The following CTNNAL1 variants were observed in gnomAD, a reference collection of about 807,000 sequenced individuals.
CTNNAL1 encodes the protein alpha-catulin.
Under a neutral mutation model 93.6 loss-of-function variants are expected in CTNNAL1, and 69 were observed. The ratio of observed to expected loss-of-function variants is 0.74; its 90% CI spans 0.61 to 0.90. The LOEUF (loss-of-function observed/expected upper bound fraction) is 0.90, where lower values mean the gene tolerates loss of function less well. Ranked by LOEUF, CTNNAL1 falls within the 40% of genes least tolerant of loss-of-function variation. The probability of loss-of-function intolerance (pLI) is 0.00; values close to 1 mark genes in which losing one functional copy is unlikely to be tolerated. For missense variants in CTNNAL1, 836 were observed against 862.0 expected (o/e 0.97, Z 0.38); for synonymous variants, 286 against 305.4 (o/e 0.94, Z 0.66).
At chr9:109,013,092 A>C (rs1346440885) in intron 1 of CTNNAL1, among the ~76,000 whole-genome samples, 1 of 152,088 alleles carries the variant, frequency 6.6e-6, no homozygotes, top group African/African-American at 2.4e-5. Flanking sequence ...AGTCCACTCA[A>C]CCCTGCCGCC....
intron 12 of CTNNAL1, among the ~76,000 whole-genome samples, chr9:108,952,736 G>T (rs970949454): frequency 7.2e-5 from 11 of 152,142 alleles, no homozygotes; most frequent in Non-Finnish European, 1.6e-4. Context: ...CTGCTCTGTG[G>T]CCTCTGTGCT....
At chr9:108,988,845 G>C (rs1035300910) in intron 4 of CTNNAL1, among the ~76,000 whole-genome samples, 1 of 152,208 alleles carries the variant, frequency 6.6e-6, no homozygotes, top group Non-Finnish European at 1.5e-5. Flanking sequence ...ACAGTAAGCA[G>C]CTGATGAATA....
At chr9:108,942,936 G>A in intron 18 of CTNNAL1, 25 bp downstream of exon 18, 3 of 1,610,056 alleles carry the variant, frequency 1.9e-6, no homozygotes, top group African/African-American at 1.3e-5. Context: ...TAAAGTATGA[G>A]TCTAAAATAG....
intron 2 of CTNNAL1, 67 bp downstream of exon 2, chr9:108,999,000 T>C (rs917103202): frequency 3.9e-5 from 58 of 1,489,976 alleles, no homozygotes; most frequent in Non-Finnish European, 5.2e-5. Context: ...AATAAATCAA[T>C]AATTTTTCAT....
chr9:108,996,829 C>G (rs1832039352), intron 2 of CTNNAL1, among the ~76,000 whole-genome samples: 1 of 151,994 alleles, frequency 6.6e-6, no homozygotes, highest in Non-Finnish European at 1.5e-5. Context: ...TTCATAAGCA[C>G]CCACACAATA....
intron 3 of CTNNAL1, chr9:108,992,148 C>T: frequency 1.5e-6 from 1 of 677,172 alleles, no homozygotes. Context: ...TATCATAGTG[C>T]TCACCTTTTC....
At chr9:108,992,233 A>G (rs28361112) in intron 3 of CTNNAL1, among the ~76,000 whole-genome samples, 1 of 152,178 alleles carries the variant, frequency 6.6e-6, no homozygotes, top group Non-Finnish European at 1.5e-5. Flanking sequence ...CTAAGAGGAG[A>G]CATTACTTGC....
chr9:108,984,281 T>TTAAA, intron 5 of CTNNAL1, 66 bp downstream of exon 5: 1 of 802,970 alleles, frequency 1.2e-6, no homozygotes, highest in Non-Finnish European at 2.1e-6. Flanking sequence ...ATTATGTAAG[T>TTAAA]TAAATGCATT....
At chr9:108,972,883 G>C in intron 8 of CTNNAL1, 50 bp from the exon 9 acceptor site, 5 of 1,461,936 alleles carry the variant, frequency 3.4e-6, no homozygotes, top group Non-Finnish European at 4.5e-6. Context: ...GAAGGAGAAG[G>C]GTGATGAAGG....
Position 108,943,797 on chromosome 9 carries a change from A to G in CTNNAL1, c.1961T>C (p.Leu654Pro), listed in dbSNP as rs777963085. Residue 654 changes from leucine to proline, a missense_variant, in exon 17 of 19, where the codon CTT becomes CCT. Transcript: ENST00000325551. ...CTTGTTTATTTCCAGGAGAAGCATA[A>G]GCTTGTCATCGTCTTTCAGCTGAAA... ...FSKQLKDDDKLMLLLEINKLI... is the reference protein window; with the variant it reads ...FSKQLKDDDKPMLLLEINKLI... 2 of 1,613,652 alleles carry G rather than the reference A, an allele frequency of 1.2e-6. No homozygotes were observed. The highest frequency in any genetic ancestry group is 1.7e-6 in the Non-Finnish European group (2 of 1,179,846).
chr9:108,945,632 TTTTTTTTTTTGTTTTG>T (rs1193223722), intron 15 of CTNNAL1, among the ~76,000 whole-genome samples: 3 of 151,164 alleles, frequency 2.0e-5, no homozygotes, highest in African/African-American at 7.3e-5. Context: ...CCGCTAGTTT[TTTTTTTTTTTGTTTTG>T]TTTTTTTGTA....
chr9:109,003,949 T>C (rs1302121533), intron 1 of CTNNAL1, among the ~76,000 whole-genome samples: 3 of 152,222 alleles, frequency 2.0e-5, no homozygotes, highest in Non-Finnish European at 4.4e-5. Context: ...ATAGGTGAAG[T>C]CTCATTCCCC....
At chr9:108,944,296 T>C (rs1161062520) in intron 15 of CTNNAL1, among the ~76,000 whole-genome samples, 3 of 152,194 alleles carry the variant, frequency 2.0e-5, no homozygotes, top group Non-Finnish European at 4.4e-5. Context: ...ACCTGTGATA[T>C]TCAGCCACAC....
Position 108,983,209 on chromosome 9 carries a change from C to T in CTNNAL1, c.836G>A (p.Cys279Tyr), listed in dbSNP as rs374610847. 11 of 1,590,956 alleles carry T rather than the reference C, an allele frequency of 6.9e-6. No individual in the cohort carries two copies. Among genetic ancestry groups the T allele is most frequent in the Middle Eastern group, 1.7e-4 (1 of 5,978 alleles). ...AATGTCAGTCTCTCCATTCGGTTTA[C>T]AGTCAGTCACAATTTCAATGACCTT... ...LDKVIEIVTDCKPNGETDISS... is the reference protein window; with the variant it reads ...LDKVIEIVTDYKPNGETDISS... The change falls in exon 6 of 19, where the codon TGT (cysteine) becomes TAT (tyrosine). Residue 279 changes from cysteine to tyrosine, a missense_variant. Coordinates refer to ENST00000325551, the MANE Select transcript of CTNNAL1 (RefSeq NM_003798.4).
At chr9:108,949,294 C>G (rs1450943761) in intron 14 of CTNNAL1, among the ~76,000 whole-genome samples, 1 of 152,186 alleles carries the variant, frequency 6.6e-6, no homozygotes, top group Non-Finnish European at 1.5e-5. Flanking sequence ...AGTGCAACCC[C>G]TCATGTTTCC....
rs1262354115 is a variant in CTNNAL1, at chr9:108,946,606, C to T, written c.1884+1580G>A. ...ACGTGATTTTATCTCCAAGTACTTA[C>T]ATATGTGCACTGAATGCTTAAATTC... On this transcript the variant is annotated intron_variant, in intron 15 of 18. Coordinates refer to ENST00000325551, the MANE Select transcript of CTNNAL1 (RefSeq NM_003798.4). Among the ~76,000 whole-genome samples the T allele has an allele frequency of 6.6e-5, 10 of 152,308 alleles. No individual in the cohort carries two copies. The East Asian group carries it at 1.9e-3, about 29-fold the overall frequency.
intron 9 of CTNNAL1, among the ~76,000 whole-genome samples, chr9:108,971,299 G>A (rs1455426424): frequency 6.6e-6 from 1 of 152,186 alleles, no homozygotes; most frequent in Non-Finnish European, 1.5e-5. Context: ...ATTATGTGAA[G>A]ATAGCTAGAT....
At chr9:108,961,808 T>G (rs1008917016) in intron 11 of CTNNAL1, among the ~76,000 whole-genome samples, 1 of 152,238 alleles carries the variant, frequency 6.6e-6, no homozygotes, top group African/African-American at 2.4e-5. Flanking sequence ...TTACCTCTTC[T>G]GTAATTTAGC....
chr9:108,955,717 G>GC (rs1292482057), intron 12 of CTNNAL1, 73 bp downstream of exon 12: 6 of 1,291,592 alleles, frequency 4.6e-6, no homozygotes. Flanking sequence ...GAGGGGAGCA[G>GC]CAACAGGCAA....
Sources: gnomAD v4.1 joint callset for allele counts (sites outside exome capture counted in the v4.1 genomes callset) on GRCh38, gnomAD v4.1.1 for gene constraint, MANE v1.5 for transcripts, NCBI Gene and HGNC (gene_info 2026-07-23, HGNC 2026-07-21) for gene names.